FRAS1: variants seen among roughly 807,000 people sequenced by gnomAD.
FRAS1 encodes Fraser extracellular matrix complex subunit 1.
Under a neutral mutation model 435.2 loss-of-function variants are expected in FRAS1, and 290 were observed. The ratio of observed to expected loss-of-function variants is 0.67; its 90% CI spans 0.61 to 0.73. The LOEUF (loss-of-function observed/expected upper bound fraction) is 0.73, where lower values mean the gene tolerates loss of function less well. Among genes scored for constraint, FRAS1 ranks in the 30% least tolerant of loss-of-function variants. FRAS1 has a pLI of 0.00. For synonymous variants in FRAS1, 1,800 were observed against 1,851.0 expected (o/e 0.97, Z 0.71); for missense variants, 4,860 against 5,001.5 (o/e 0.97, Z 0.85).
intron 2 of FRAS1, among the ~76,000 whole-genome samples, chr4:78,100,177 C>A (rs189767849): frequency 1.3e-5 from 2 of 152,310 alleles, no homozygotes; most frequent in Non-Finnish European, 2.9e-5. Context: ...CTTTCACTTA[C>A]TGTTATGTGA....
intron 20 of FRAS1, chr4:78,338,088 A>G (rs1435126317): frequency 8.5e-6 from 3 of 352,432 alleles, no homozygotes; most frequent in East Asian, 1.2e-4. Context: ...TAGCACCTTT[A>G]TATGCATTCA....
intron 2 of FRAS1, among the ~76,000 whole-genome samples, chr4:78,148,546 G>A (rs756228751): frequency 4.3e-4 from 66 of 152,188 alleles, no homozygotes; most frequent in African/African-American, 8.2e-4. Context: ...TTGAGATTTA[G>A]TAAGCGTTCT....
intron 3 of FRAS1, 95 bp downstream of exon 3, chr4:78,237,712 C>G: frequency 1.8e-6 from 1 of 542,566 alleles, no homozygotes; most frequent in Non-Finnish European, 3.1e-6. Context: ...GACATTTATT[C>G]TAATCTCTAC....
intron 1 of FRAS1, among the ~76,000 whole-genome samples, chr4:78,059,746 A>G (rs903051222): frequency 6.6e-6 from 1 of 151,826 alleles, no homozygotes; most frequent in African/African-American, 2.4e-5. Flanking sequence ...GAAATCAACA[A>G]AAGGCATTAT....
chr4:78,188,210 A>C lies in FRAS1; in HGVS notation c.109-49300A>C, dbSNP rs116355406. On this transcript the variant is annotated intron_variant, in intron 2 of 73. Coordinates refer to ENST00000512123, the MANE Select transcript of FRAS1 (RefSeq NM_025074.7). The stretch of plus-strand genomic sequence containing the variant: ...AAACTTGATTCCTTCCTCTGTGGAG[A>C]AAAGGAAGGTGTCTTATCAGCCAGG... 3.4e-3 allele frequency among the ~76,000 whole-genome samples: 510 copies of C among 152,182 alleles called. 5 individuals are homozygous for C. The highest frequency in any genetic ancestry group is 0.012 in the African/African-American group (495 of 41,518).
At chr4:78,173,381 T>C (rs1721635799) in intron 2 of FRAS1, among the ~76,000 whole-genome samples, 1 of 152,226 alleles carries the variant, frequency 6.6e-6, no homozygotes, top group Admixed American at 6.5e-5. Flanking sequence ...CTCCTGACAC[T>C]GTTGTTCCCT....
rs1334136028 is a variant in FRAS1, at chr4:78,375,755, C to T, written c.3168C>T (p.Cys1056=). ...TTTTAATAGCCTGCCCTCAGGGGTGCTTGCAGTGCAGCCACAGGGACCGTT... is the reference window on the plus strand; with the variant it reads ...TTTTAATAGCCTGCCCTCAGGGGTGTTTGCAGTGCAGCCACAGGGACCGTT... The part of the protein sequence containing the change: ...KHKCTACPQG[C]LQCSHRDRCH... Residue 1056 remains cysteine, a synonymous_variant, in exon 26 of 74, where the codon TGC becomes TGT. Transcript: ENST00000512123. 6.2e-7 allele frequency: 1 copy of T among 1,602,266 alleles called. No individual in the cohort carries two copies. The highest frequency in any genetic ancestry group is 1.7e-5 in the Admixed American group (1 of 57,844).
rs768946750 is a variant in FRAS1, at chr4:78,540,952, A to G, written c.11867A>G (p.Lys3956Arg). ...CTGAATACCAAGGTAGAAGTGCCCA[A>G]GAGGCACCCGGACCGGGTGGAGAAG... ...YPLNTKVEVP[K>R]RHPDRVEKNV... The change falls in exon 74 of 74, where the codon AAG becomes AGG. Residue 3956 changes from lysine (K) to arginine (R), a missense_variant. Lys to Arg is a conservative substitution (Grantham distance 26, BLOSUM62 2). Coordinates refer to ENST00000512123, the MANE Select transcript of FRAS1 (RefSeq NM_025074.7). 11 of 1,613,968 alleles carry G rather than the reference A, an allele frequency of 6.8e-6. No individual in the cohort carries two copies. Among genetic ancestry groups the G allele is most frequent in the Non-Finnish European group, 9.3e-6 (11 of 1,179,864 alleles).
rs1350402077 is a variant in FRAS1, at chr4:78,249,076, T to TATATATGC, written c.310-3310_310-3309insGCATATAT. Reference sequence around the variant, plus strand: ...ATATATATATATGCATATATATATATATATATATATGCATGTGCTGATGCC... The same window carrying TATATATGC: ...ATATATATATATGCATATATATATATATATATGCATATATATATGCATGTGCTGATGCC... On this transcript the variant is annotated intron_variant, in intron 4 of 73. Coordinates refer to ENST00000512123, the MANE Select transcript of FRAS1 (RefSeq NM_025074.7). Among the ~76,000 whole-genome samples, 39 of 113,516 alleles carry TATATATGC rather than the reference T, an allele frequency of 3.4e-4. 4 individuals carry two copies. Among genetic ancestry groups the TATATATGC allele is most frequent in the Non-Finnish European group, 6.3e-4 (34 of 53,696 alleles). The allele number at this position is 113,516 out of a possible 152,430, so 74.5% of individuals were successfully genotyped here.
Position 78,388,054 on chromosome 4 carries a change from G to A in FRAS1, c.3975+353G>A, listed in dbSNP as rs1169539292. On this transcript the variant is annotated intron_variant, in intron 29 of 73. Coordinates refer to ENST00000512123, the MANE Select transcript of FRAS1 (RefSeq NM_025074.7). ...AAAAACAGCTCATGAGGCCAGGTGT[G>A]GTGGCTCACGCCTCTAATCCCAGCA... 4.6e-5 allele frequency among the ~76,000 whole-genome samples: 7 copies of A among 152,208 alleles called. No individual in the cohort carries two copies. In the East Asian group the frequency reaches 1.2e-3, roughly 25 times the overall value.
intron 70 of FRAS1, among the ~76,000 whole-genome samples, chr4:78,529,618 G>GTAAA (rs1721651565): frequency 6.6e-6 from 1 of 152,138 alleles, no homozygotes; most frequent in Admixed American, 6.6e-5. Flanking sequence ...TATCCTTGGA[G>GTAAA]TAAATGTTCC....
At chr4:78,295,844 C>T (rs764536097) in intron 14 of FRAS1, among the ~76,000 whole-genome samples, 3 of 151,546 alleles carry the variant, frequency 2.0e-5, no homozygotes, top group Admixed American at 6.6e-5. Context: ...TGCCCAGGTT[C>T]GAACGATTCT....
At chr4:78,193,814 A>G (rs1722666117) in intron 2 of FRAS1, among the ~76,000 whole-genome samples, 4 of 152,236 alleles carry the variant, frequency 2.6e-5, no homozygotes, top group African/African-American at 7.2e-5. Context: ...TCCTGTCATT[A>G]TGATGTTAGC....
chr4:78,458,296 CT>C lies in FRAS1; in HGVS notation c.6764-5722del, dbSNP rs1719266803. Among the ~76,000 whole-genome samples the C allele has an allele frequency of 2.0e-5, 3 of 152,282 alleles. No individual in the cohort carries two copies. The South Asian group carries it at 6.2e-4, about 32-fold the overall frequency. Reference sequence around the variant, plus strand: ...CGGAGAAATCACAGTACTAAGCCCCCTTTAGGCTACCTAGTCATGACTGCAC... The same window carrying C: ...CGGAGAAATCACAGTACTAAGCCCCCTTAGGCTACCTAGTCATGACTGCAC... On this transcript the variant is annotated intron_variant, in intron 47 of 73. Coordinates refer to ENST00000512123, the MANE Select transcript of FRAS1 (RefSeq NM_025074.7).
At chr4:78,247,281 C>T (rs1287592680) in intron 4 of FRAS1, among the ~76,000 whole-genome samples, 1 of 152,092 alleles carries the variant, frequency 6.6e-6, no homozygotes, top group Non-Finnish European at 1.5e-5. Flanking sequence ...AGAATATACC[C>T]ATGTGTTGCT....
chr4:78,234,824 T>A (rs777759211), intron 2 of FRAS1, among the ~76,000 whole-genome samples: 19 of 152,232 alleles, frequency 1.2e-4, no homozygotes, highest in Non-Finnish European at 7.3e-5. Context: ...AGGGTGATTT[T>A]ATTTTTTGCT....
intron 47 of FRAS1, among the ~76,000 whole-genome samples, chr4:78,460,524 A>G (rs1312085517): frequency 1.3e-5 from 2 of 152,246 alleles, no homozygotes; most frequent in African/African-American, 2.4e-5. Context: ...AATTTTAAAA[A>G]TAAAAAGTGG....
Position 78,515,812 on chromosome 4 carries a change from G to A in FRAS1, c.10188G>A (p.Leu3396=). ...CCTCCCTGGCAGAGGCAGGGTTCCT[G>A]GATGATGTGGTCTATGATAGCACTG... ...DLRGISEAGF[L]DDVVYDSTAL... The change falls in exon 66 of 74, where the codon CTG becomes CTA. Residue 3396 remains leucine (L), a synonymous_variant. Coordinates refer to ENST00000512123, the MANE Select transcript of FRAS1 (RefSeq NM_025074.7). 6.2e-7 allele frequency: 1 copy of A among 1,613,830 alleles called. No individual in the cohort carries two copies. The highest frequency in any genetic ancestry group is 8.5e-7 in the Non-Finnish European group (1 of 1,179,848).
chr4:78,450,253 G>A lies in FRAS1; in HGVS notation c.6377G>A (p.Arg2126His), dbSNP rs377251766. Residue 2126 changes from arginine to histidine, a missense_variant, in exon 45 of 74, where the codon CGC (arginine) becomes CAC (histidine). Arg to His is a conservative substitution (Grantham distance 29, BLOSUM62 0). Coordinates refer to ENST00000512123, the MANE Select transcript of FRAS1 (RefSeq NM_025074.7). Reference protein sequence around the residue: ...YIMKEDPGAGRLQMMKHGNLE... With the variant: ...YIMKEDPGAGHLQMMKHGNLE... ...ATGAAGGAAGATCCTGGTGCAGGGC[G>A]CCTGCAGATGATGAAGCATGGCAAC... The A allele has an allele frequency of 1.6e-5, 26 of 1,613,470 alleles. No homozygotes were observed. Among genetic ancestry groups the A allele is most frequent in the Middle Eastern group, 1.6e-4 (1 of 6,080 alleles).
Sources: gnomAD v4.1 joint callset for allele counts (sites outside exome capture counted in the v4.1 genomes callset) on GRCh38, gnomAD v4.1.1 for gene constraint, MANE v1.5 for transcripts, NCBI Gene and HGNC (gene_info 2026-07-23, HGNC 2026-07-21) for gene names.